Variants in MEIS2 observed in about 807,000 individuals in gnomAD.
MEIS2 encodes the protein Meis homeobox 2.
MEIS2 carries 9 observed loss-of-function variants against 58.6 expected under a neutral mutation model. That is an observed-to-expected ratio of 0.15 (90% CI 0.09 to 0.27). MEIS2 has a LOEUF of 0.27. Ranked by LOEUF, MEIS2 falls within the 10% of genes least tolerant of loss-of-function variation. MEIS2 has a pLI of 1.00. For missense variants in MEIS2, 427 were observed against 635.0 expected, an observed-to-expected ratio of 0.67 and a Z score of 3.52; for synonymous variants, 221 against 228.4, an observed-to-expected ratio of 0.97 and a Z score of 0.29.
chr15:37,016,855 T>C (rs979131325), intron 8 of MEIS2, among the ~76,000 whole-genome samples: 4 of 152,202 alleles, frequency 2.6e-5, no homozygotes, highest in Admixed American at 2.0e-4. Flanking sequence ...TGCAGAATTG[T>C]CAAAATTTTA....
intron 9 of MEIS2, chr15:36,903,912 T>C (rs2056599201): frequency 6.6e-6 from 1 of 152,196 alleles, no homozygotes; most frequent in Admixed American, 6.5e-5. Flanking sequence ...ATGTATTAGA[T>C]ATGTTTGAAG....
At chr15:36,936,554 G>A (rs2058182611) in intron 9 of MEIS2, among the ~76,000 whole-genome samples, 1 of 152,162 alleles carries the variant, frequency 6.6e-6, no homozygotes, top group African/African-American at 2.4e-5. Context: ...GTGCAATTGA[G>A]TTTTGGTAGA....
intron 8 of MEIS2, among the ~76,000 whole-genome samples, chr15:36,979,496 T>C (rs1376864309): frequency 1.3e-5 from 2 of 151,950 alleles, no homozygotes; most frequent in African/African-American, 4.8e-5. Context: ...CATCGTATTT[T>C]AGTTTTTATT....
At chr15:37,090,520 A>G (rs563714198) in intron 6 of MEIS2, among the ~76,000 whole-genome samples, 1 of 152,226 alleles carries the variant, frequency 6.6e-6, no homozygotes, top group East Asian at 1.9e-4. Flanking sequence ...TGCTTTGAAG[A>G]TATTTATATT....
At chr15:37,051,736 G>A (rs1436038338) in intron 7 of MEIS2, among the ~76,000 whole-genome samples, 4 of 152,198 alleles carry the variant, frequency 2.6e-5, no homozygotes. Context: ...CAGAGATGCT[G>A]TAGTGGGAAT....
intron 8 of MEIS2, among the ~76,000 whole-genome samples, chr15:36,972,642 G>A (rs1294303862): frequency 6.6e-6 from 1 of 152,026 alleles, no homozygotes; most frequent in Non-Finnish European, 1.5e-5. Context: ...TTTCAATAGT[G>A]TACTCTGATA....
chr15:36,988,920 A>C (rs1227006525), intron 8 of MEIS2, among the ~76,000 whole-genome samples: 2 of 152,196 alleles, frequency 1.3e-5, no homozygotes, highest in African/African-American at 4.8e-5. Context: ...CGAAAGTAAC[A>C]TACAGAGGAA....
intron 7 of MEIS2, among the ~76,000 whole-genome samples, chr15:37,054,387 G>C (rs1404536499): frequency 6.6e-6 from 1 of 152,104 alleles, no homozygotes; most frequent in East Asian, 1.9e-4. Context: ...CAGGAGGTGG[G>C]GAGACTTTGC....
chr15:37,085,910 G>A (rs952667876), intron 6 of MEIS2, among the ~76,000 whole-genome samples: 2 of 151,920 alleles, frequency 1.3e-5, no homozygotes, highest in Admixed American at 6.6e-5. Context: ...TTTGCCGGGC[G>A]GTAATGAGAT....
intron 9 of MEIS2, among the ~76,000 whole-genome samples, chr15:36,924,003 T>C (rs1046648233): frequency 6.6e-6 from 1 of 152,232 alleles, no homozygotes; most frequent in Non-Finnish European, 1.5e-5. Context: ...GAACAAATGC[T>C]ACACAAGACA....
At chr15:37,028,889 C>T (rs532090207) in intron 8 of MEIS2, among the ~76,000 whole-genome samples, 13 of 151,786 alleles carry the variant, frequency 8.6e-5, no homozygotes, top group African/African-American at 2.9e-4. Context: ...CTTCTGCCCA[C>T]CCCTATCTCC....
chr15:37,001,400 C>G (rs1434569376), intron 8 of MEIS2, among the ~76,000 whole-genome samples: 1 of 152,124 alleles, frequency 6.6e-6, no homozygotes, highest in Non-Finnish European at 1.5e-5. Flanking sequence ...TTTCAAATGC[C>G]TGGTACATGC....
At chr15:36,915,265 G>A (rs1051542132) in intron 9 of MEIS2, among the ~76,000 whole-genome samples, 3 of 150,328 alleles carry the variant, frequency 2.0e-5, no homozygotes, top group Non-Finnish European at 4.4e-5. Flanking sequence ...TCTCCTGAAT[G>A]TTCCCTCAGG....
At chr15:37,093,818 G>T in intron 5 of MEIS2, 88 bp from the exon 6 acceptor site, 3 of 1,565,064 alleles carry the variant, frequency 1.9e-6, no homozygotes, top group Non-Finnish European at 2.6e-6. Context: ...ATACCAGGTT[G>T]CAAGGTTACA....
At position 37,002,539 on chromosome 15, in the gene MEIS2, C is replaced by T. The variant is rs1201163164; in HGVS notation, c.900+34275G>A. Among the ~76,000 whole-genome samples the T allele has an allele frequency of 3.3e-5, 5 of 151,962 alleles. No homozygotes were observed. The East Asian group carries it at 5.8e-4, about 18-fold the overall frequency. On this transcript the variant is annotated intron_variant, in intron 8 of 11. Coordinates refer to ENST00000561208, the MANE Select transcript of MEIS2 (RefSeq NM_170675.5). The stretch of plus-strand genomic sequence containing the variant: ...CCTTTCACTTAGTGAAGTACTTGCC[C>T]GCAGAAGGAAAATAAAGACCACTAA...
rs1309923624 is a variant in MEIS2, at chr15:36,970,235, C to G, written c.901-19835G>C. 3.9e-5 allele frequency among the ~76,000 whole-genome samples: 6 copies of G among 152,050 alleles called. No homozygotes were observed. In the East Asian group the frequency reaches 7.7e-4, roughly 20 times the overall value. On this transcript the variant is annotated intron_variant, in intron 8 of 11. Transcript: ENST00000561208. ...TGGCTAACATGGTGAAACCCCGTCTCTACTAAAAATACAAAAAAATTAGCC... is the reference window on the plus strand; with the variant it reads ...TGGCTAACATGGTGAAACCCCGTCTGTACTAAAAATACAAAAAAATTAGCC...
At chr15:36,895,980 A>G (rs1462932697) in intron 10 of MEIS2, among the ~76,000 whole-genome samples, 1 of 152,246 alleles carries the variant, frequency 6.6e-6, no homozygotes, top group Non-Finnish European at 1.5e-5. Flanking sequence ...ACAAACCCTC[A>G]GTAAACTGAG....
At chr15:37,050,152 G>T (rs1325946865) in intron 7 of MEIS2, among the ~76,000 whole-genome samples, 1 of 151,998 alleles carries the variant, frequency 6.6e-6, no homozygotes, top group Non-Finnish European at 1.5e-5. Flanking sequence ...CTCTTCCAAG[G>T]CTTACATTAA....
At chr15:36,985,124 T>C (rs1595870266) in intron 8 of MEIS2, among the ~76,000 whole-genome samples, 1 of 152,190 alleles carries the variant, frequency 6.6e-6, no homozygotes, top group African/African-American at 2.4e-5. Flanking sequence ...ATTTTATTTG[T>C]ACTTGATCTT....
Sources: allele counts gnomAD v4.1 joint callset (sites outside exome capture counted in the v4.1 genomes callset), GRCh38; gene constraint gnomAD v4.1.1; transcripts MANE v1.5; gene names NCBI Gene and HGNC (gene_info 2026-07-23, HGNC 2026-07-21).